Variants in UVRAG observed in about 807,000 individuals in gnomAD.
The protein encoded by UVRAG is UV radiation resistance associated.
In UVRAG, 19 loss-of-function variants were observed where a neutral mutation model predicts 78.0. The ratio of observed to expected loss-of-function variants is 0.24; its 90% CI spans 0.17 to 0.36. The LOEUF (loss-of-function observed/expected upper bound fraction) is 0.36. Among genes scored for constraint, UVRAG ranks in the 10% least tolerant of loss-of-function variants. The pLI is 1.00. For missense variants in UVRAG, 740 were observed against 853.8 expected (o/e 0.87, Z 1.66); for synonymous variants, 323 against 324.6 (o/e 1.00, Z 0.05).
At chr11:76,097,331 C>T (rs1951802784) in intron 13 of UVRAG, among the ~76,000 whole-genome samples, 1 of 152,178 alleles carries the variant, frequency 6.6e-6, no homozygotes. Flanking sequence ...CACCAGGCCA[C>T]ACCACGTGCT....
chr11:76,058,533 C>CAAAA (rs1565141695), intron 12 of UVRAG, among the ~76,000 whole-genome samples: 37 of 93,208 alleles, frequency 4.0e-4, no homozygotes, highest in African/African-American at 1.3e-3. Context: ...GACCCTATCT[C>CAAAA]CAAAAAAAAA....
intron 3 of UVRAG, among the ~76,000 whole-genome samples, chr11:75,865,242 G>C (rs1420466729): frequency 6.9e-6 from 1 of 145,490 alleles, no homozygotes; most frequent in African/African-American, 2.6e-5. Flanking sequence ...AGCCGAGATC[G>C]TGCTGTTGCA....
chr11:76,099,461 T>G (rs1565160604), intron 13 of UVRAG, among the ~76,000 whole-genome samples: 1 of 152,176 alleles, frequency 6.6e-6, no homozygotes, highest in Non-Finnish European at 1.5e-5. Flanking sequence ...ATGCTTTATT[T>G]ACTAAAACAA....
intron 14 of UVRAG, among the ~76,000 whole-genome samples, chr11:76,126,350 A>G (rs1356335902): frequency 1.3e-5 from 2 of 152,236 alleles, no homozygotes; most frequent in East Asian, 1.9e-4. Context: ...TATCTTGTAG[A>G]CATGTAATAA....
Position 76,008,250 on chromosome 11 carries a change from C to T in UVRAG, c.1000-557C>T, listed in dbSNP as rs1025454476. On this transcript the variant is annotated intron_variant, in intron 10 of 14. Transcript: ENST00000356136. The stretch of plus-strand genomic sequence containing the variant: ...TGACATACACATGCAAATATATGTG[C>T]ACTGCTTTAAAAATATGATTGATAA... Among the ~76,000 whole-genome samples, 8 of 152,194 alleles carry T rather than the reference C, an allele frequency of 5.3e-5. 1 individual carries two copies. The highest frequency in any genetic ancestry group is 5.2e-4 in the Admixed American group (8 of 15,280).
intron 8 of UVRAG, among the ~76,000 whole-genome samples, chr11:75,984,916 G>T (rs980214685): frequency 4.6e-5 from 7 of 152,226 alleles, no homozygotes; most frequent in African/African-American, 1.7e-4. Context: ...GAACATTAGA[G>T]TTAATGTTTC....
At chr11:76,003,257 A>ATTTTTTTTTTTTTTTTTTTTTTTTTTTT (rs398045280) in intron 8 of UVRAG, among the ~76,000 whole-genome samples, 1 of 53,786 alleles carries the variant, frequency 1.9e-5, no homozygotes, top group African/African-American at 7.8e-5. Context: ...GAAAATACTG[A>ATTTTTTTTTTTTTTTTTTTTTTTTTTTT]TTTTTTTTTT....
At chr11:75,930,927 T>TTTTCTTTCTTTTTC (rs1948219597) in intron 6 of UVRAG, 1 of 117,404 alleles carries the variant, frequency 8.5e-6, no homozygotes, top group African/African-American at 3.2e-5. Flanking sequence ...AGTGTCGGGA[T>TTTTCTTTCTTTTTC]TTTCTTTCTT....
chr11:76,141,419 G>A lies in UVRAG; in HGVS notation c.*6G>A, dbSNP rs1457986243. Reference sequence around the variant, plus strand: ...GCAGGAGTTCCGATAAGTGAAGTGAGCAGGTCAACAGTAGGACTGGGGCAG... The same window carrying A: ...GCAGGAGTTCCGATAAGTGAAGTGAACAGGTCAACAGTAGGACTGGGGCAG... On this transcript the variant is annotated 3_prime_UTR_variant, in exon 15 of 15. Coordinates refer to ENST00000356136, the MANE Select transcript of UVRAG (RefSeq NM_003369.4). 3 of 1,610,456 alleles carry A rather than the reference G, an allele frequency of 1.9e-6. No individual in the cohort carries two copies. Among genetic ancestry groups the A allele is most frequent in the South Asian group, 2.2e-5 (2 of 90,896 alleles).
At chr11:76,021,523 C>G (rs1480073708) in intron 12 of UVRAG, among the ~76,000 whole-genome samples, 2 of 151,518 alleles carry the variant, frequency 1.3e-5, no homozygotes, top group African/African-American at 4.9e-5. Context: ...TGTATCTCTG[C>G]TCTTATCTTT....
At chr11:76,091,466 T>A (rs889139504) in intron 13 of UVRAG, among the ~76,000 whole-genome samples, 21 of 152,224 alleles carry the variant, frequency 1.4e-4, no homozygotes, top group Non-Finnish European at 2.9e-4. Flanking sequence ...TACTCCCTTT[T>A]ATTTTTTTTT....
chr11:76,100,888 C>A (rs941189902), intron 13 of UVRAG, among the ~76,000 whole-genome samples: 1 of 152,100 alleles, frequency 6.6e-6, no homozygotes, highest in Non-Finnish European at 1.5e-5. Flanking sequence ...CGTTAGTTTG[C>A]CAAGGATAAT....
intron 8 of UVRAG, among the ~76,000 whole-genome samples, chr11:75,991,475 T>A (rs963268390): frequency 6.6e-6 from 1 of 152,194 alleles, no homozygotes; most frequent in South Asian, 2.1e-4. Context: ...ACTATAAATA[T>A]GTAATATTGT....
chr11:75,915,281 A>G (rs375932459), intron 6 of UVRAG: 6 of 152,150 alleles, frequency 3.9e-5, no homozygotes, highest in African/African-American at 1.4e-4. Context: ...CTTCAGATGG[A>G]TGGGTTGTAT....
At chr11:75,964,066 T>G (rs562961382) in intron 7 of UVRAG, among the ~76,000 whole-genome samples, 100 of 152,342 alleles carry the variant, frequency 6.6e-4, no homozygotes, top group Non-Finnish European at 1.3e-3. Context: ...TTTTTAATAT[T>G]AAGCCAACTT....
intron 13 of UVRAG, among the ~76,000 whole-genome samples, chr11:76,109,545 A>G (rs1952033414): frequency 6.6e-6 from 1 of 152,226 alleles, no homozygotes; most frequent in Non-Finnish European, 1.5e-5. Context: ...TAGATTGGTT[A>G]TGTAACTTGC....
chr11:76,134,049 T>C (rs911804641), intron 14 of UVRAG, among the ~76,000 whole-genome samples: 2 of 150,892 alleles, frequency 1.3e-5, no homozygotes, highest in African/African-American at 4.9e-5. Flanking sequence ...ACCTCCTGGG[T>C]TCAAGAGATT....
At chr11:75,860,134 A>G (rs1174681340) in intron 2 of UVRAG, among the ~76,000 whole-genome samples, 2 of 152,150 alleles carry the variant, frequency 1.3e-5, no homozygotes, top group Non-Finnish European at 2.9e-5. Context: ...TAGTAGAGAC[A>G]GGATTTCACC....
chr11:75,974,189 A>G (rs996287655), intron 7 of UVRAG, among the ~76,000 whole-genome samples: 2 of 151,872 alleles, frequency 1.3e-5, no homozygotes, highest in Non-Finnish European at 2.9e-5. Context: ...AAGCGTTCCT[A>G]TTTCTCCACG....
Sources: gnomAD v4.1 joint callset for allele counts (sites outside exome capture counted in the v4.1 genomes callset) on GRCh38, gnomAD v4.1.1 for gene constraint, MANE v1.5 for transcripts, NCBI Gene and HGNC (gene_info 2026-07-23, HGNC 2026-07-21) for gene names.